The following SIX5 variants were observed in gnomAD, a reference collection of about 807,000 sequenced individuals.
The protein encoded by SIX5 is homeobox protein SIX5.
In SIX5, 21 loss-of-function variants were observed where a neutral mutation model predicts 37.1. The ratio of observed to expected loss-of-function variants is 0.57; its 90% CI spans 0.40 to 0.81. SIX5 has a LOEUF of 0.81. Among genes scored for constraint, SIX5 ranks in the 40% least tolerant of loss-of-function variants. The pLI is 0.00. For synonymous variants in SIX5, 626 were observed against 505.9 expected (o/e 1.24, Z -3.19); for missense variants, 1,137 against 1,025.1 (o/e 1.11, Z -1.49).
In SIX5 at chr19:45,765,326, C is replaced by T. The variant is rs1014096465; in HGVS notation, c.*175G>A. On this transcript the variant is annotated 3_prime_UTR_variant, in exon 3 of 3. Transcript: ENST00000317578. ...ATCCAAAGGGGGATGGAGACCTGGACAGGAGGTGGCCGGGGATACAACCCC... is the reference window on the plus strand; with the variant it reads ...ATCCAAAGGGGGATGGAGACCTGGATAGGAGGTGGCCGGGGATACAACCCC... 2 of 851,280 alleles carry T rather than the reference C, an allele frequency of 2.3e-6. No individual in the cohort carries two copies. The highest frequency in any genetic ancestry group is 3.9e-6 in the Non-Finnish European group (2 of 512,138). The allele number at this position is 851,280 out of a possible 1,614,324, so 52.7% of individuals were successfully genotyped here. A position where few individuals can be genotyped will look rare whatever the true frequency, so the allele number is the denominator to read the frequency against.
In SIX5 at chr19:45,768,663, G is replaced by T; in HGVS notation, c.182C>A (p.Ala61Asp). 1 of 1,236,664 alleles carries T rather than the reference G, an allele frequency of 8.1e-7. No homozygotes were observed. Among genetic ancestry groups the T allele is most frequent in the Non-Finnish European group, 1.0e-6 (1 of 996,614 alleles). The allele number at this position is 1,236,664 out of a possible 1,614,324, so 76.6% of individuals were successfully genotyped here. ...GACGCCCGGGGATCCCGGGCCCTCA[G>T]CTCCCGCAGCCGCTGCGCCCGCCCC... is the stretch of plus-strand genomic sequence containing the variant. Reference protein sequence around the residue: ...GAGAGAAAAGAEGPGSPGVPG... With the variant: ...GAGAGAAAAGDEGPGSPGVPG... The change falls in exon 1 of 3, where the codon GCT becomes GAT. Residue 61 changes from alanine to aspartate, a missense_variant. By Grantham distance (126) the Ala-to-Asp change is moderately radical. Around this residue, in one of 3 missense-constraint regions of SIX5, gnomAD observed 331 missense variants for 360.9 expected, o/e 0.92. Transcript: ENST00000317578.
In SIX5 at chr19:45,768,681, C is replaced by G; in HGVS notation, c.164G>C (p.Gly55Ala). The G allele has an allele frequency of 7.7e-7, 1 of 1,299,160 alleles. No homozygotes were observed. Among genetic ancestry groups the G allele is most frequent in the Non-Finnish European group, 9.7e-7 (1 of 1,033,666 alleles). 80.5% of individuals were successfully genotyped at this position (1,299,160 alleles called of 1,614,324 possible). A position where few individuals can be genotyped will look rare whatever the true frequency, so the allele number is the denominator to read the frequency against. ...EAAAAAGAGA[G>A]AAAAGAEGPG... ...GCCCTCAGCTCCCGCAGCCGCTGCG[C>G]CCGCCCCGGCCCCGGCCGCCGCCGC... is the stretch of plus-strand genomic sequence containing the variant. The change falls in exon 1 of 3, where the codon GGC (glycine) becomes GCC (alanine). Residue 55 changes from glycine to alanine, a missense_variant. Gly to Ala is a moderately conservative substitution (Grantham distance 60). Transcript: ENST00000317578.
In SIX5 at chr19:45,765,742, G is replaced by T. The variant is rs376176843; in HGVS notation, c.1979C>A (p.Ala660Glu). Residue 660 changes from alanine to glutamate, a missense_variant, in exon 3 of 3, where the codon GCG (alanine) becomes GAG (glutamate). Around this residue, in one of 3 missense-constraint regions of SIX5, gnomAD observed 787 missense variants for 621.4 expected, o/e 1.27. Transcript: ENST00000317578. The stretch of plus-strand genomic sequence containing the variant: ...CCCTGCTGACCAGACAGGCACGGCC[G>T]CGGGTGACAACATCAGCCCCTCTGG... ...PPPEGLMLSP[A>E]AVPVWSAGLE... 2.9e-4 allele frequency: 469 copies of T among 1,611,792 alleles called. 4 individuals are homozygous for T. The South Asian group carries it at 4.8e-3, about 17-fold the overall frequency.
intron 1 of SIX5, chr19:45,767,810 C>A: frequency 1.7e-6 from 1 of 579,406 alleles, no homozygotes; most frequent in Non-Finnish European, 3.0e-6. Flanking sequence ...TGGGAAGGAG[C>A]TCGGAATGGA....
Position 45,768,550 on chromosome 19 carries a change from G to A in SIX5, c.295C>T (p.Leu99Phe). 1.4e-6 allele frequency: 2 copies of A among 1,387,878 alleles called. No homozygotes were observed. Among genetic ancestry groups the A allele is most frequent in the Non-Finnish European group, 9.3e-7 (1 of 1,080,608 alleles). The allele number at this position is 1,387,878 out of a possible 1,614,324, so 86.0% of individuals were successfully genotyped here. The part of the protein sequence containing the change: ...EQVACVCEAL[L>F]QAGHAGRLSR... ...AAGCGGCCGGCGTGGCCCGCCTGGA[G>A]CAGCGCCTCGCAGACGCACGCCACC... The change falls in exon 1 of 3, where the codon CTC becomes TTC. Residue 99 changes from leucine (L) to phenylalanine (F), a missense_variant. By Grantham distance (22) the Leu-to-Phe change is conservative. Coordinates refer to ENST00000317578, the MANE Select transcript of SIX5 (RefSeq NM_175875.5).
In SIX5 at chr19:45,766,071, G is replaced by A. The variant is rs753161382; in HGVS notation, c.1650C>T (p.Ile550=). 47 of 1,611,938 alleles carry A rather than the reference G, an allele frequency of 2.9e-5. No homozygotes were observed. The highest frequency in any genetic ancestry group is 1.6e-4 in the Middle Eastern group (1 of 6,072). ...LLANPVSGSP[I]VTGVALQQGK... ...CCTGCTGCAGGGCCACACCCGTCAC[G>A]ATGGGGCTGCCAGACACAGGGTTGG... Residue 550 remains isoleucine (I), a synonymous_variant, in exon 3 of 3, where the codon ATC becomes ATT. Transcript: ENST00000317578.
In SIX5 at chr19:45,766,332, G is replaced by A. The variant is rs770535743; in HGVS notation, c.1609+18C>T. 2.2e-5 allele frequency: 35 copies of A among 1,567,428 alleles called. No homozygotes were observed. Among genetic ancestry groups the A allele is most frequent in the Admixed American group, 2.0e-4 (11 of 53,782 alleles). ...TCCCCGGCTCTCACCTAGGCCTGAGGGAGGGAGATGGGGGTACCTGGGGCA... is the reference window on the plus strand; with the variant it reads ...TCCCCGGCTCTCACCTAGGCCTGAGAGAGGGAGATGGGGGTACCTGGGGCA... On this transcript the variant is annotated intron_variant, in intron 2 of 2. Coordinates refer to ENST00000317578, the MANE Select transcript of SIX5 (RefSeq NM_175875.5).
Position 45,765,233 on chromosome 19 carries a change from A to C in SIX5, c.*268T>G. On this transcript the variant is annotated 3_prime_UTR_variant, in exon 3 of 3. Transcript: ENST00000317578. ...GTGGAGGGGGCAGGGCCCCTGAGTC[A>C]GGACCCTGAGTCCCCCACGTATATG... 2 of 565,040 alleles carry C rather than the reference A, an allele frequency of 3.5e-6. No individual in the cohort carries two copies. Among genetic ancestry groups the C allele is most frequent in the Non-Finnish European group, 6.4e-6 (2 of 313,692 alleles). 35.0% of individuals were successfully genotyped at this position (565,040 alleles called of 1,614,324 possible). A position where few individuals can be genotyped will look rare whatever the true frequency, so the allele number is the denominator to read the frequency against.
rs1364337054 is a variant in SIX5, at chr19:45,768,214, G to C, written c.631C>G (p.Arg211Gly). The C allele has an allele frequency of 6.2e-7, 1 of 1,613,044 alleles. No homozygotes were observed. Among genetic ancestry groups the C allele is most frequent in the African/African-American group, 1.3e-5 (1 of 74,934 alleles). Residue 211 changes from arginine (R) to glycine (G), a missense_variant, in exon 1 of 3, where the codon CGC (arginine) becomes GGC (glycine). Arg to Gly is a moderately radical substitution (Grantham distance 125, BLOSUM62 -2). This residue lies in a region of SIX5 where 331 missense variants were observed against 360.9 expected (regional missense o/e 0.92). Transcript: ENST00000317578. ...GEETVYCFKERSRAALKACYR... is the reference protein window; with the variant it reads ...GEETVYCFKEGSRAALKACYR... Reference sequence around the variant, plus strand: ...CAGGCCTTGAGCGCTGCGCGGGAGCGCTCCTTGAAGCAGTAGACTGTCTCC... The same window carrying C: ...CAGGCCTTGAGCGCTGCGCGGGAGCCCTCCTTGAAGCAGTAGACTGTCTCC...
chr19:45,766,773 C>A lies in SIX5; in HGVS notation c.1186G>T (p.Glu396Ter). 1 of 1,580,862 alleles carries A rather than the reference C, an allele frequency of 6.3e-7. No homozygotes were observed. Among genetic ancestry groups the A allele is most frequent in the East Asian group, 2.3e-5 (1 of 42,814 alleles). Residue 396 changes from glutamate to a stop codon, truncating the protein, a stop_gained, in exon 2 of 3, where the codon GAG (glutamate) becomes TAG (stop). Transcript: ENST00000317578. LOFTEE classifies it high-confidence loss of function. Reference sequence around the variant, plus strand: ...TCAGGGGCCTCCGACTGAGCCTCCTCCAGCCGCACCTCCCCTGTCTGAGGG... The same window carrying A: ...TCAGGGGCCTCCGACTGAGCCTCCTACAGCCGCACCTCCCCTGTCTGAGGG... ...LDPQTGEVRL[E>*]EAQSEAPETK...
At chr19:45,766,155 C>T in intron 2 of SIX5, 44 bp from the exon 3 acceptor site, 12 of 1,588,430 alleles carry the variant, frequency 7.6e-6, no homozygotes, top group Non-Finnish European at 1.0e-5. Context: ...GCCAGGAGAG[C>T]AGGCCAAGCC....
rs1234985064 is a variant in SIX5, at chr19:45,768,386, G to A, written c.459C>T (p.Pro153=). Residue 153 remains proline, a synonymous_variant, in exon 1 of 3, where the codon CCC becomes CCT. Transcript: ENST00000317578. ...LYRLLESRPF[P]AAHHAFLQDL... ...CCTGCAGGAAGGCGTGGTGGGCGGC[G>A]GGGAAGGGGCGGCTCTCGAGTAGCC... 6 of 1,580,672 alleles carry A rather than the reference G, an allele frequency of 3.8e-6. No individual in the cohort carries two copies. The highest frequency in any genetic ancestry group is 4.3e-6 in the Non-Finnish European group (5 of 1,169,092).
Position 45,768,793 on chromosome 19 carries a change from C to A in SIX5, c.52G>T (p.Ala18Ser), listed in dbSNP as rs1187478491. The A allele has an allele frequency of 6.5e-7, 1 of 1,529,624 alleles. No homozygotes were observed. Among genetic ancestry groups the A allele is most frequent in the Admixed American group, 2.0e-5 (1 of 50,532 alleles). 94.8% of individuals were successfully genotyped at this position (1,529,624 alleles called of 1,614,324 possible). A position where few individuals can be genotyped will look rare whatever the true frequency, so the allele number is the denominator to read the frequency against. ...PSAGPAAGGE[A>S]VAAAAATEEE... ...TCGGTCGCCGCCGCCGCCGCCACCG[C>A]CTCCCCCCCAGCCGCCGGCCCCGCG... The change falls in exon 1 of 3, where the codon GCG (alanine) becomes TCG (serine). Residue 18 changes from alanine to serine, a missense_variant. Ala to Ser is a moderately conservative substitution (Grantham distance 99). Around this residue, in one of 3 missense-constraint regions of SIX5, gnomAD observed 331 missense variants for 360.9 expected, o/e 0.92. Transcript: ENST00000317578.
Position 45,766,696 on chromosome 19 carries a change from G to A in SIX5, c.1263C>T (p.Val421=), listed in dbSNP as rs866476748. 1.4e-5 allele frequency: 22 copies of A among 1,530,774 alleles called. No homozygotes were observed. Among genetic ancestry groups the A allele is most frequent in the South Asian group, 3.6e-5 (3 of 82,458 alleles). 94.8% of individuals were successfully genotyped at this position (1,530,774 alleles called of 1,614,324 possible). A position where few individuals can be genotyped will look rare whatever the true frequency, so the allele number is the denominator to read the frequency against. The change falls in exon 2 of 3, where the codon GTC becomes GTT. Residue 421 remains valine, a synonymous_variant. Coordinates refer to ENST00000317578, the MANE Select transcript of SIX5 (RefSeq NM_175875.5). ...AAPGPALGEE[V]LGPLAQVVPG... ...GCACCACTTGGGCCAGGGGCCCCAG[G>A]ACCTCCTCTCCAAGGGCTGGTCCCG...
chr19:45,765,319 A>C lies in SIX5; in HGVS notation c.*182T>G. On this transcript the variant is annotated 3_prime_UTR_variant, in exon 3 of 3. Coordinates refer to ENST00000317578, the MANE Select transcript of SIX5 (RefSeq NM_175875.5). ...GCCTCCCATCCAAAGGGGGATGGAG[A>C]CCTGGACAGGAGGTGGCCGGGGATA... 1.2e-6 allele frequency: 1 copy of C among 806,374 alleles called. No homozygotes were observed. The highest frequency in any genetic ancestry group is 1.5e-5 in the South Asian group (1 of 67,638). 50.0% of individuals were successfully genotyped at this position (806,374 alleles called of 1,614,324 possible). A position where few individuals can be genotyped will look rare whatever the true frequency, so the allele number is the denominator to read the frequency against.
chr19:45,765,815 A>G lies in SIX5; in HGVS notation c.1906T>C (p.Phe636Leu), dbSNP rs1456731737. The change falls in exon 3 of 3, where the codon TTC becomes CTC. Residue 636 changes from phenylalanine (F) to leucine (L), a missense_variant. Phe to Leu is a conservative substitution (Grantham distance 22). Around this residue, in one of 3 missense-constraint regions of SIX5, gnomAD observed 787 missense variants for 621.4 expected, o/e 1.27. Transcript: ENST00000317578. Reference sequence around the variant, plus strand: ...AGGAGGCCAGGGGAGTCAGGGGAGAAGGGCAGGCTGGTGCTGGAGGTGGTG... The same window carrying G: ...AGGAGGCCAGGGGAGTCAGGGGAGAGGGGCAGGCTGGTGCTGGAGGTGGTG... Reference protein sequence around the residue: ...AATTSSTSLPFSPDSPGLLPN... With the variant: ...AATTSSTSLPLSPDSPGLLPN... 6.2e-7 allele frequency: 1 copy of G among 1,603,538 alleles called. No homozygotes were observed. Among genetic ancestry groups the G allele is most frequent in the East Asian group, 2.2e-5 (1 of 44,864 alleles).
chr19:45,766,195 G>A (rs936336836), intron 2 of SIX5, 84 bp from the exon 3 acceptor site: 12 of 1,529,306 alleles, frequency 7.8e-6, no homozygotes, highest in African/African-American at 2.7e-5. Flanking sequence ...GCAGCTGGAG[G>A]GCGGGCGGAG....
Position 45,766,986 on chromosome 19 carries a change from C to A in SIX5, c.973G>T (p.Gly325Trp). 1 of 1,602,230 alleles carries A rather than the reference C, an allele frequency of 6.2e-7. No individual in the cohort carries two copies. Among genetic ancestry groups the A allele is most frequent in the South Asian group, 1.1e-5 (1 of 89,778 alleles). Residue 325 changes from glycine to tryptophan, a missense_variant, in exon 2 of 3, where the codon GGG (glycine) becomes TGG (tryptophan). This residue lies in a region of SIX5 where 787 missense variants were observed against 621.4 expected (regional missense o/e 1.27). Transcript: ENST00000317578. ...GAGCCGCTGGCTGCCAGGAAGCTCC[C>A]GTTCACCAGGATGGAGGAGGAAGCC... is the stretch of plus-strand genomic sequence containing the variant. ...CPASSSILVNGSFLAASGSPA... is the reference protein window; with the variant it reads ...CPASSSILVNWSFLAASGSPA...
Position 45,769,150 on chromosome 19 carries a change from C to G in SIX5, c.-306G>C, listed in dbSNP as rs566319277. On this transcript the variant is annotated 5_prime_UTR_variant, in exon 1 of 3. Coordinates refer to ENST00000317578, the MANE Select transcript of SIX5 (RefSeq NM_175875.5). ...TGGCTCAGGGCCTCAGTTTCCCCAT[C>G]GGGACAACGCAGAAGGTAACGGGCC... is the stretch of plus-strand genomic sequence containing the variant. The G allele has an allele frequency of 8.3e-4, 348 of 421,522 alleles. 6 individuals carry two copies. The highest frequency in any genetic ancestry group is 7.3e-3 in the South Asian group (223 of 30,528). The allele number at this position is 421,522 out of a possible 1,614,324, so 26.1% of individuals were successfully genotyped here.
Sources: gnomAD v4.1 joint callset for allele counts on GRCh38, gnomAD v4.1.1 for gene constraint, gnomAD v4.1.1 regional missense constraint, MANE v1.5 for transcripts, NCBI Gene and HGNC (gene_info 2026-07-23, HGNC 2026-07-21) for gene names.